The following CFAP54 variants were observed in gnomAD, a reference collection of about 807,000 sequenced individuals.
CFAP54 encodes cilia and flagella associated protein 54, also known as cilia- and flagella-associated protein 54.
In CFAP54, 290 loss-of-function variants were observed where a neutral mutation model predicts 370.4. The observed-to-expected ratio is 0.78, with a 90% CI of 0.71 to 0.86. The LOEUF is 0.86. CFAP54 is among the 40% of genes least tolerant of loss of function. CFAP54 has a pLI of 0.00. For synonymous variants in CFAP54, 1,206 were observed against 1,236.5 expected, an observed-to-expected ratio of 0.98 and a Z score of 0.52; for missense variants, 3,399 against 3,528.7, an observed-to-expected ratio of 0.96 and a Z score of 0.93.
intron 5 of CFAP54, among the ~76,000 whole-genome samples, chr12:96,516,314 C>T (rs1468749807): frequency 1.4e-5 from 2 of 138,378 alleles, no homozygotes; most frequent in Admixed American, 7.0e-5. Context: ...AGACCAGGGG[C>T]AGTGTCACTC....
intron 30 of CFAP54, 143 bp downstream of exon 30, chr12:96,627,082 T>C (rs1956556776): frequency 2.1e-6 from 1 of 470,446 alleles, no homozygotes; most frequent in Non-Finnish European, 3.4e-6. Context: ...TGAAAATTCA[T>C]GTCTGTGTAA....
intron 63 of CFAP54, among the ~76,000 whole-genome samples, chr12:96,810,948 A>C (rs1314866100): frequency 6.6e-6 from 1 of 152,116 alleles, no homozygotes; most frequent in Non-Finnish European, 1.5e-5. Flanking sequence ...GAACCTCCTG[A>C]GAGAGCCCCT....
At chr12:96,677,932 C>G (rs1402154439) in intron 39 of CFAP54, among the ~76,000 whole-genome samples, 1 of 152,116 alleles carries the variant, frequency 6.6e-6, no homozygotes, top group East Asian at 1.9e-4. Flanking sequence ...CAGGTTTCTT[C>G]CCTTATTAAC....
At chr12:96,866,402 C>A (rs1259480658) in intron 67 of CFAP54, among the ~76,000 whole-genome samples, 1 of 152,044 alleles carries the variant, frequency 6.6e-6, no homozygotes, top group Non-Finnish European at 1.5e-5. Flanking sequence ...AATATATAAA[C>A]CCTGTAAAAT....
chr12:96,560,617 G>T (rs1378838536), intron 17 of CFAP54, among the ~76,000 whole-genome samples: 6 of 152,092 alleles, frequency 3.9e-5, no homozygotes, highest in Non-Finnish European at 7.3e-5. Flanking sequence ...AATCATGCAG[G>T]TGATGCTGTT....
At chr12:96,697,822 C>T (rs559758865) in intron 45 of CFAP54, among the ~76,000 whole-genome samples, 2 of 152,304 alleles carry the variant, frequency 1.3e-5, no homozygotes, top group South Asian at 4.1e-4. Context: ...TTAAAACTCT[C>T]CAATAACTCC....
intron 66 of CFAP54, among the ~76,000 whole-genome samples, chr12:96,835,225 G>A (rs1959182357): frequency 1.3e-5 from 2 of 152,138 alleles, no homozygotes; most frequent in Admixed American, 1.3e-4. Flanking sequence ...AGAGTGGGTA[G>A]CTTCTCTCTG....
chr12:96,847,075 A>T (rs943072917), intron 66 of CFAP54, among the ~76,000 whole-genome samples: 5 of 152,066 alleles, frequency 3.3e-5, no homozygotes, highest in African/African-American at 1.2e-4. Flanking sequence ...AGTTGCCAGG[A>T]CCCTCCCCTC....
chr12:96,859,743 C>T (rs1959819287), intron 66 of CFAP54, among the ~76,000 whole-genome samples: 2 of 152,016 alleles, frequency 1.3e-5, no homozygotes, highest in Non-Finnish European at 2.9e-5. Context: ...GTTATTCTGT[C>T]TCCCTGAATT....
intron 66 of CFAP54, among the ~76,000 whole-genome samples, chr12:96,829,346 A>C (rs572294962): frequency 1.6e-3 from 245 of 152,296 alleles, no homozygotes; most frequent in African/African-American, 4.7e-3. Context: ...TTCACAGAAT[A>C]ACCCCTATTA....
intron 63 of CFAP54, among the ~76,000 whole-genome samples, chr12:96,793,105 G>C (rs1958720138): frequency 6.6e-6 from 1 of 151,866 alleles, no homozygotes; most frequent in Non-Finnish European, 1.5e-5. Context: ...TTGGTTACAT[G>C]GATAAGTTCT....
chr12:96,614,650 A>G (rs934988892), intron 26 of CFAP54, among the ~76,000 whole-genome samples: 1 of 152,350 alleles, frequency 6.6e-6, no homozygotes. Flanking sequence ...TAAGCTGATA[A>G]GCAACTTCAG....
intron 26 of CFAP54, among the ~76,000 whole-genome samples, chr12:96,616,603 T>C (rs1006918909): frequency 6.6e-6 from 1 of 152,154 alleles, no homozygotes; most frequent in African/African-American, 2.4e-5. Context: ...CAAAGGCAAA[T>C]ATTAGGTTGG....
intron 55 of CFAP54, among the ~76,000 whole-genome samples, chr12:96,749,282 G>A (rs769941036): frequency 7.9e-5 from 12 of 152,186 alleles, no homozygotes; most frequent in Non-Finnish European, 1.3e-4. Flanking sequence ...TGTCTTTTAC[G>A]AGGACAAGTC....
At chr12:96,626,539 TTAGTCA>T (rs1034666678) in intron 29 of CFAP54, among the ~76,000 whole-genome samples, 1 of 152,198 alleles carries the variant, frequency 6.6e-6, no homozygotes, top group African/African-American at 2.4e-5. Flanking sequence ...TTTCCCCCAG[TTAGTCA>T]TACATTAGAA....
At chr12:96,501,913 C>T (rs1955032492) in intron 2 of CFAP54, among the ~76,000 whole-genome samples, 1 of 152,140 alleles carries the variant, frequency 6.6e-6, no homozygotes, top group African/African-American at 2.4e-5. Context: ...TGGTAAGCTA[C>T]AGAAAAGAAA....
chr12:96,709,701 T>TTTATTATTATTATTATTATTATTATTA (rs71068827), intron 48 of CFAP54, among the ~76,000 whole-genome samples: 2 of 144,092 alleles, frequency 1.4e-5, no homozygotes, highest in African/African-American at 5.1e-5. Context: ...TTGATCATGG[T>TTTATTATTATTATTATTATTATTATTA]TTATTATTAT....
At chr12:96,684,359 G>GC (rs1957302040) in intron 40 of CFAP54, among the ~76,000 whole-genome samples, 1 of 152,090 alleles carries the variant, frequency 6.6e-6, no homozygotes, top group African/African-American at 2.4e-5. Flanking sequence ...TCCCTTGCAT[G>GC]CCGTTTCTAA....
intron 42 of CFAP54, among the ~76,000 whole-genome samples, chr12:96,685,537 GT>G (rs1373327300): frequency 7.9e-6 from 1 of 126,072 alleles, no homozygotes; most frequent in African/African-American, 3.2e-5. Flanking sequence ...ATAACTACTT[GT>G]TTTTTTTGTT....
Sources: allele counts gnomAD v4.1 joint callset (sites outside exome capture counted in the v4.1 genomes callset), GRCh38; gene constraint gnomAD v4.1.1; transcripts MANE v1.5; gene names NCBI Gene and HGNC (gene_info 2026-07-23, HGNC 2026-07-21).